The following GNAL variants were observed in gnomAD, a reference collection of about 807,000 sequenced individuals.
GNAL encodes the protein G protein subunit alpha L, also known as guanine nucleotide-binding protein G(olf) subunit alpha.
A neutral mutation model predicts 55.1 loss-of-function variants in GNAL; 18 were observed. That is an observed-to-expected ratio of 0.33 (90% CI 0.23 to 0.48). GNAL has a LOEUF of 0.48. GNAL is among the 20% of genes least tolerant of loss of function. The pLI, the probability that GNAL is intolerant of heterozygous loss-of-function variation, is 0.99. For missense variants in GNAL, 412 were observed against 614.1 expected, an observed-to-expected ratio of 0.67 and a Z score of 3.48; for synonymous variants, 253 against 237.0, an observed-to-expected ratio of 1.07 and a Z score of -0.62.
At chr18:11,859,349 CA>C (rs1329222246) in intron 5 of GNAL, among the ~76,000 whole-genome samples, 1 of 152,204 alleles carries the variant, frequency 6.6e-6, no homozygotes, top group Non-Finnish European at 1.5e-5. Context: ...CCTACCTTCT[CA>C]TGGATTCCAA....
rs1045261924 is a variant in GNAL at position 11,851,285 on chromosome 18, G to C, written c.723-11110G>C. On this transcript the variant is annotated intron_variant, in intron 5 of 11. Transcript: ENST00000334049. ...GCGTCCAGCCAGAATCCCCCTGCAT[G>C]CGCAGCCCCTGGCGTCTTACGTCCC... The C allele has an allele frequency of 9.8e-6, 5 of 510,330 alleles. No homozygotes were observed. The South Asian group carries it at 1.6e-4, about 17-fold the overall frequency. 31.6% of individuals were successfully genotyped at this position (510,330 alleles called of 1,614,324 possible).
chr18:11,885,540 G>A lies in GNAL; in HGVS notation c.*4405G>A, dbSNP rs946501801. Reference sequence around the variant, plus strand: ...GGTGTTTGGCAAGGGGCAGTGTATGGAGCTACGTGTAGAAGGAGAGAAATT... The same window carrying A: ...GGTGTTTGGCAAGGGGCAGTGTATGAAGCTACGTGTAGAAGGAGAGAAATT... On this transcript the variant is annotated 3_prime_UTR_variant, in exon 12 of 12. Transcript: ENST00000334049. The A allele has an allele frequency of 1.2e-5, 12 of 1,026,378 alleles. No individual in the cohort carries two copies. The highest frequency in any genetic ancestry group is 2.3e-5 in the Admixed American group (1 of 43,048). The allele number at this position is 1,026,378 out of a possible 1,614,324, so 63.6% of individuals were successfully genotyped here.
intron 10 of GNAL, 75 bp downstream of exon 10, chr18:11,872,473 A>G: frequency 1.1e-6 from 1 of 901,058 alleles, no homozygotes; most frequent in Non-Finnish European, 1.7e-6. Context: ...TCTAATTCAC[A>G]TACCTCTGAT....
intron 4 of GNAL, among the ~76,000 whole-genome samples, chr18:11,816,981 T>C (rs866707599): frequency 6.6e-6 from 1 of 150,978 alleles, no homozygotes; most frequent in African/African-American, 2.4e-5. Flanking sequence ...GAGTGGTGGT[T>C]GGGGCCTGGG....
intron 11 of GNAL, among the ~76,000 whole-genome samples, chr18:11,880,438 G>C (rs1276900653): frequency 6.6e-6 from 1 of 151,724 alleles, no homozygotes; most frequent in Non-Finnish European, 1.5e-5. Flanking sequence ...GCGTGGGCAC[G>C]GTGATGGACG....
chr18:11,817,528 T>TTCTC (rs2034986981), intron 4 of GNAL, among the ~76,000 whole-genome samples: 1 of 152,238 alleles, frequency 6.6e-6, no homozygotes, highest in Admixed American at 6.5e-5. Flanking sequence ...TCACGCTTCT[T>TTCTC]GCTAGGAAAG....
At chr18:11,706,904 C>T (rs186827653) in intron 1 of GNAL, among the ~76,000 whole-genome samples, 1 of 152,340 alleles carries the variant, frequency 6.6e-6, no homozygotes, top group East Asian at 1.9e-4. Context: ...ATGAGGGTTG[C>T]AATCAACTTC....
chr18:11,795,390 C>CAAAAAAA (rs752221474), intron 4 of GNAL, among the ~76,000 whole-genome samples: 2 of 68,260 alleles, frequency 2.9e-5, no homozygotes, highest in Non-Finnish European at 6.5e-5. Flanking sequence ...GACCCTGTCT[C>CAAAAAAA]AAAAAAAAAA....
In GNAL at chr18:11,782,799, A is replaced by G. The variant is rs1292983165; in HGVS notation, c.624+28854A>G. Among the ~76,000 whole-genome samples, 3 of 152,250 alleles carry G rather than the reference A, an allele frequency of 2.0e-5. No individual in the cohort carries two copies. The East Asian group carries it at 5.8e-4, about 29-fold the overall frequency. On this transcript the variant is annotated intron_variant, in intron 4 of 11. Coordinates refer to ENST00000334049, the MANE Select transcript of GNAL (RefSeq NM_182978.4). ...AAAATTCGTTTTCTAGTTTAGAAAC[A>G]TGTATCTTTCTTCGTGCTGTGTTGT... is the stretch of plus-strand genomic sequence containing the variant.
intron 1 of GNAL, among the ~76,000 whole-genome samples, chr18:11,734,288 G>A (rs1269687263): frequency 4.6e-5 from 7 of 151,634 alleles, no homozygotes; most frequent in African/African-American, 1.7e-4. Flanking sequence ...GACTACAGGC[G>A]TGCACCACCA....
Position 11,852,999 on chromosome 18 carries a change from T to C in GNAL, c.723-9396T>C, listed in dbSNP as rs561285088. ...ATTATGCTAATTAGCATGGCAGTCA[T>C]GTTACACACTCTTAACATTGCCAAA... On this transcript the variant is annotated intron_variant, in intron 5 of 11. Coordinates refer to ENST00000334049, the MANE Select transcript of GNAL (RefSeq NM_182978.4). The C allele has an allele frequency of 1.8e-5, 3 of 167,230 alleles. No individual in the cohort carries two copies. The South Asian group carries it at 6.2e-4, about 35-fold the overall frequency. 10.4% of individuals were successfully genotyped at this position (167,230 alleles called of 1,614,324 possible). A position where few individuals can be genotyped will look rare whatever the true frequency, so the allele number is the denominator to read the frequency against.
intron 1 of GNAL, among the ~76,000 whole-genome samples, chr18:11,703,395 A>G (rs1251837523): frequency 2.0e-5 from 3 of 152,258 alleles, no homozygotes; most frequent in East Asian, 3.8e-4. Context: ...AAGAAAATAT[A>G]GAAACGTGTT....
At chr18:11,869,478 C>G (rs1405578355) in intron 9 of GNAL, among the ~76,000 whole-genome samples, 1 of 152,068 alleles carries the variant, frequency 6.6e-6, no homozygotes, top group East Asian at 1.9e-4. Flanking sequence ...TCTGATAGTT[C>G]TTTGTCAAGA....
In GNAL at chr18:11,723,708, C is replaced by T. The variant is rs551656846; in HGVS notation, c.377-29145C>T. Among the ~76,000 whole-genome samples, 4 of 152,232 alleles carry T rather than the reference C, an allele frequency of 2.6e-5. No individual in the cohort carries two copies. The South Asian group carries it at 6.2e-4, about 24-fold the overall frequency. ...GGCCCTGCAGGAAGCCCAGCCCCCT[C>T]CCGTGATATCTGAGTGTCCTTGGAG... On this transcript the variant is annotated intron_variant, in intron 1 of 11. Coordinates refer to ENST00000334049, the MANE Select transcript of GNAL (RefSeq NM_182978.4).
At chr18:11,802,788 G>A (rs996122228) in intron 4 of GNAL, among the ~76,000 whole-genome samples, 78 of 152,298 alleles carry the variant, frequency 5.1e-4, no homozygotes, top group African/African-American at 1.7e-3. Flanking sequence ...AGGGACTGCC[G>A]GGTGGCAGGG....
At chr18:11,715,230 T>C (rs1485064512) in intron 1 of GNAL, among the ~76,000 whole-genome samples, 10 of 150,222 alleles carry the variant, frequency 6.7e-5, no homozygotes, top group Non-Finnish European at 1.0e-4. Context: ...GAGGCCGAGG[T>C]GGGCGGATCA....
chr18:11,748,365 T>C (rs1214978994), intron 1 of GNAL, among the ~76,000 whole-genome samples: 1 of 152,212 alleles, frequency 6.6e-6, no homozygotes, highest in Non-Finnish European at 1.5e-5. Context: ...AAAATGATGA[T>C]GACAATAGTT....
chr18:11,701,090 A>G (rs1233324258), intron 1 of GNAL, among the ~76,000 whole-genome samples: 3 of 152,346 alleles, frequency 2.0e-5, no homozygotes, highest in African/African-American at 7.2e-5. Context: ...AAGAGAAAGG[A>G]CAAGAACCTA....
At chr18:11,774,201 G>C (rs1320608006) in intron 4 of GNAL, among the ~76,000 whole-genome samples, 4 of 152,194 alleles carry the variant, frequency 2.6e-5, no homozygotes, top group African/African-American at 9.7e-5. Flanking sequence ...ACGGGGCCCA[G>C]TTTGACTCGG....
Sources: allele counts gnomAD v4.1 joint callset (sites outside exome capture counted in the v4.1 genomes callset), GRCh38; gene constraint gnomAD v4.1.1; transcripts MANE v1.5; gene names NCBI Gene and HGNC (gene_info 2026-07-23, HGNC 2026-07-21).